Variants in ANTXR1 observed in about 807,000 individuals in gnomAD.
ANTXR1 encodes the protein ANTXR cell adhesion molecule 1.
ANTXR1 carries 19 observed loss-of-function variants against 78.1 expected under a neutral mutation model. The observed-to-expected ratio is 0.24, with a 90% CI of 0.17 to 0.36. The LOEUF is 0.36. Among genes scored for constraint, ANTXR1 ranks in the 10% least tolerant of loss-of-function variants. The probability of loss-of-function intolerance (pLI) is 1.00; values close to 1 mark genes in which losing one functional copy is unlikely to be tolerated. For missense variants in ANTXR1, 518 were observed against 718.6 expected, an observed-to-expected ratio of 0.72 and a Z score of 3.19; for synonymous variants, 273 against 260.5, an observed-to-expected ratio of 1.05 and a Z score of -0.46.
intron 17 of ANTXR1, among the ~76,000 whole-genome samples, chr2:69,194,661 T>C (rs1674621171): frequency 6.6e-6 from 1 of 151,860 alleles, no homozygotes; most frequent in South Asian, 2.1e-4. Context: ...AAGACCAGCC[T>C]GGCCAATATG....
chr2:69,070,824 C>T (rs1285988924), intron 4 of ANTXR1, 96 bp downstream of exon 4: 1 of 1,083,818 alleles, frequency 9.2e-7, no homozygotes, highest in African/African-American at 1.6e-5. Flanking sequence ...ATTAAGAGGG[C>T]TGACTAGCAC....
At chr2:69,187,804 T>C (rs113340282) in intron 16 of ANTXR1, among the ~76,000 whole-genome samples, 1 of 151,538 alleles carries the variant, frequency 6.6e-6, no homozygotes, top group Non-Finnish European at 1.5e-5. Flanking sequence ...TTGGCCAGGA[T>C]GATCTCAATC....
chr2:69,085,523 A>G (rs1671024843), intron 8 of ANTXR1, among the ~76,000 whole-genome samples: 1 of 152,218 alleles, frequency 6.6e-6, no homozygotes, highest in Admixed American at 6.5e-5. Context: ...AGATTAATAC[A>G]TAATATGCTA....
At chr2:69,107,784 A>T (rs917637699) in intron 10 of ANTXR1, among the ~76,000 whole-genome samples, 2 of 152,230 alleles carry the variant, frequency 1.3e-5, no homozygotes, top group African/African-American at 4.8e-5. Flanking sequence ...TGCCAAGAAG[A>T]TATTAAAATT....
intron 3 of ANTXR1, among the ~76,000 whole-genome samples, chr2:69,056,621 T>C (rs1045116679): frequency 1.3e-5 from 2 of 152,218 alleles, no homozygotes; most frequent in Admixed American, 6.5e-5. Context: ...TCAATGGATA[T>C]TGCATACTTT....
At chr2:69,133,474 T>C (rs534487989) in intron 12 of ANTXR1, among the ~76,000 whole-genome samples, 1 of 152,298 alleles carries the variant, frequency 6.6e-6, no homozygotes, top group African/African-American at 2.4e-5. Flanking sequence ...GAGACTCACC[T>C]TGAAGAGGGT....
intron 7 of ANTXR1, 176 bp from the exon 8 acceptor site, chr2:69,077,232 G>C: frequency 1.5e-6 from 1 of 662,148 alleles, no homozygotes; most frequent in Non-Finnish European, 2.7e-6. Context: ...AGAGGCCACT[G>C]GTGAGCTTGT....
In ANTXR1 at chr2:69,125,974, G is replaced by A. The variant is rs116717711; in HGVS notation, c.951+1331G>A. On this transcript the variant is annotated intron_variant, in intron 12 of 17. Coordinates refer to ENST00000303714, the MANE Select transcript of ANTXR1 (RefSeq NM_032208.3). ...CTAGAAACTAATGTTTGGCCTGATG[G>A]TCAGCTTAGGAAGTTATTATACTAT... 8.0e-3 allele frequency among the ~76,000 whole-genome samples: 1,211 copies of A among 152,246 alleles called. 18 individuals are homozygous for A. Among genetic ancestry groups the A allele is most frequent in the African/African-American group, 0.028 (1,146 of 41,524 alleles).
At chr2:69,019,063 A>G (rs550280625) in intron 1 of ANTXR1, among the ~76,000 whole-genome samples, 10 of 152,322 alleles carry the variant, frequency 6.6e-5, no homozygotes, top group Admixed American at 2.6e-4. Context: ...TAAATTCGTA[A>G]TTTGTTCAGA....
In ANTXR1 at chr2:69,216,369, A is replaced by G. The variant is rs144311165; in HGVS notation, c.1434+22954A>G. On this transcript the variant is annotated intron_variant, in intron 17 of 17. Transcript: ENST00000303714. Reference sequence around the variant, plus strand: ...CTAGATGTTTGGGCTGGGAAACCAAACATGCACATACACATACATATCTAT... The same window carrying G: ...CTAGATGTTTGGGCTGGGAAACCAAGCATGCACATACACATACATATCTAT... Among the ~76,000 whole-genome samples, 9 of 152,294 alleles carry G rather than the reference A, an allele frequency of 5.9e-5. No individual in the cohort carries two copies. In the East Asian group the frequency reaches 1.7e-3, roughly 29 times the overall value.
intron 8 of ANTXR1, among the ~76,000 whole-genome samples, chr2:69,078,680 A>T (rs1298385901): frequency 6.6e-6 from 1 of 152,222 alleles, no homozygotes; most frequent in Non-Finnish European, 1.5e-5. Flanking sequence ...GATGACTTAC[A>T]TCATAGGCTT....
chr2:69,129,281 G>A (rs1672647474), intron 12 of ANTXR1, among the ~76,000 whole-genome samples: 1 of 152,154 alleles, frequency 6.6e-6, no homozygotes, highest in Non-Finnish European at 1.5e-5. Context: ...GAAACATAAA[G>A]AACTTTTCAT....
chr2:69,218,198 T>G (rs960444176), intron 17 of ANTXR1, among the ~76,000 whole-genome samples: 1 of 152,202 alleles, frequency 6.6e-6, no homozygotes, highest in Non-Finnish European at 1.5e-5. Flanking sequence ...AGTCACCCCA[T>G]GCCTTTGTAG....
At chr2:69,094,608 C>T (rs1671340680) in intron 9 of ANTXR1, among the ~76,000 whole-genome samples, 1 of 152,186 alleles carries the variant, frequency 6.6e-6, no homozygotes, top group African/African-American at 2.4e-5. Flanking sequence ...TGGAGCCCTA[C>T]CCAGGTCTGT....
intron 16 of ANTXR1, among the ~76,000 whole-genome samples, chr2:69,192,805 G>A (rs2104475085): frequency 6.6e-6 from 1 of 152,284 alleles, no homozygotes; most frequent in Middle Eastern, 3.4e-3. Flanking sequence ...TGTCTCTCAA[G>A]CCCAGGCTTC....
At chr2:69,076,177 G>T (rs1038120756) in intron 7 of ANTXR1, among the ~76,000 whole-genome samples, 2 of 151,966 alleles carry the variant, frequency 1.3e-5, no homozygotes, top group African/African-American at 4.8e-5. Flanking sequence ...AAGCCTCACT[G>T]TATTGCCCAG....
intron 2 of ANTXR1, among the ~76,000 whole-genome samples, chr2:69,042,552 A>G (rs539369802): frequency 3.9e-5 from 6 of 152,140 alleles, no homozygotes; most frequent in South Asian, 4.1e-4. Context: ...ACAGTCTACA[A>G]ACACAAACTA....
intron 3 of ANTXR1, among the ~76,000 whole-genome samples, chr2:69,049,834 C>A (rs1413457758): frequency 6.6e-6 from 1 of 152,130 alleles, no homozygotes; most frequent in East Asian, 1.9e-4. Flanking sequence ...TGGATGCTAA[C>A]TTCATACATT....
At chr2:69,152,103 G>A (rs1483905174) in intron 12 of ANTXR1, 66 bp from the exon 13 acceptor site, 4 of 1,491,346 alleles carry the variant, frequency 2.7e-6, no homozygotes, top group East Asian at 2.3e-5. Flanking sequence ...AGTGATGGGA[G>A]TTTGGGGAGG....
Sources: allele counts gnomAD v4.1 joint callset (sites outside exome capture counted in the v4.1 genomes callset), GRCh38; gene constraint gnomAD v4.1.1; transcripts MANE v1.5; gene names NCBI Gene and HGNC (gene_info 2026-07-23, HGNC 2026-07-21).